Variants in METTL15 observed in about 807,000 individuals in gnomAD.
The protein encoded by METTL15 is 12S rRNA N(4)-cytidine methyltransferase METTL15.
In METTL15, 34 loss-of-function variants were observed where a neutral mutation model predicts 38.3. That is an observed-to-expected ratio of 0.89 (90% CI 0.68 to 1.18). METTL15 has a LOEUF of 1.18. Ranked by LOEUF, METTL15 falls within the 50% of genes most tolerant of loss-of-function variation. METTL15 has a pLI of 0.00. For missense variants in METTL15, 438 were observed against 498.4 expected, an observed-to-expected ratio of 0.88 and a Z score of 1.15; for synonymous variants, 162 against 170.9, an observed-to-expected ratio of 0.95 and a Z score of 0.41.
chr11:28,382,536 A>T (rs946293234), intron 5 of METTL15, among the ~76,000 whole-genome samples: 1 of 152,068 alleles, frequency 6.6e-6, no homozygotes, highest in African/African-American at 2.4e-5. Flanking sequence ...GGGTATTGTG[A>T]ATATGAAAGT....
At chr11:28,220,650 C>G (rs1590179190) in intron 4 of METTL15, among the ~76,000 whole-genome samples, 1 of 152,100 alleles carries the variant, frequency 6.6e-6, no homozygotes, top group South Asian at 2.1e-4. Flanking sequence ...AAGTTTCTTC[C>G]TAGCCTCGAT....
intron 3 of METTL15, among the ~76,000 whole-genome samples, chr11:28,122,495 A>G (rs1852294071): frequency 6.6e-6 from 1 of 151,316 alleles, no homozygotes; most frequent in Non-Finnish European, 1.5e-5. Context: ...AATGAAAATA[A>G]CATATTTTTT....
intron 6 of METTL15, among the ~76,000 whole-genome samples, chr11:28,324,893 G>C (rs549067455): frequency 1.3e-5 from 2 of 152,232 alleles, no homozygotes; most frequent in East Asian, 3.9e-4. Flanking sequence ...AGCTCTCATC[G>C]ACAGCTTTCT....
chr11:28,237,800 T>G (rs1854074639), intron 4 of METTL15, among the ~76,000 whole-genome samples: 1 of 152,172 alleles, frequency 6.6e-6, no homozygotes, highest in Non-Finnish European at 1.5e-5. Flanking sequence ...GTCCTTTCTG[T>G]TTGTTAGTTT....
At chr11:28,217,791 C>A (rs900457844) in intron 4 of METTL15, among the ~76,000 whole-genome samples, 2 of 152,130 alleles carry the variant, frequency 1.3e-5, no homozygotes, top group South Asian at 4.1e-4. Context: ...AGCCAGTTTT[C>A]CCAGCACCAT....
At chr11:28,207,343 C>T (rs1186893610) in intron 3 of METTL15, among the ~76,000 whole-genome samples, 2 of 151,934 alleles carry the variant, frequency 1.3e-5, no homozygotes, top group Non-Finnish European at 2.9e-5. Flanking sequence ...TGTCAAAGGC[C>T]TTTTCTGCAT....
chr11:28,146,656 C>G (rs1257018075), intron 3 of METTL15, among the ~76,000 whole-genome samples: 1 of 151,740 alleles, frequency 6.6e-6, no homozygotes, highest in Admixed American at 6.6e-5. Context: ...AATATCTTTT[C>G]TTTTTATCTT....
intron 5 of METTL15, among the ~76,000 whole-genome samples, chr11:28,401,090 A>C (rs1850626488): frequency 6.6e-6 from 1 of 152,024 alleles, no homozygotes; most frequent in Non-Finnish European, 1.5e-5. Flanking sequence ...TTCTTCCTAA[A>C]GTAAATGACA....
At chr11:28,231,086 A>T (rs1404862279) in intron 4 of METTL15, among the ~76,000 whole-genome samples, 1 of 151,874 alleles carries the variant, frequency 6.6e-6, no homozygotes, top group Non-Finnish European at 1.5e-5. Flanking sequence ...TAGCATTGTT[A>T]CTCATTTAAT....
intron 3 of METTL15, among the ~76,000 whole-genome samples, chr11:28,123,460 A>G (rs1332108946): frequency 2.0e-5 from 3 of 152,132 alleles, no homozygotes; most frequent in South Asian, 2.1e-4. Context: ...TTATTTTACA[A>G]TAAACCAAGT....
downstream of METTL15, among the ~76,000 whole-genome samples, chr11:28,529,597 A>C (rs1267515687): frequency 9.0e-6 from 1 of 110,936 alleles, no homozygotes; most frequent in African/African-American, 3.5e-5. Flanking sequence ...TTTGGTGTAC[A>C]TAGCAGGGGG....
At chr11:28,266,435 C>A (rs765499731) in intron 4 of METTL15, among the ~76,000 whole-genome samples, 2 of 152,166 alleles carry the variant, frequency 1.3e-5, no homozygotes, top group Non-Finnish European at 2.9e-5. Flanking sequence ...TGGAAACCGT[C>A]ATTCTCAGCA....
intron 3 of METTL15, among the ~76,000 whole-genome samples, chr11:28,173,854 G>C (rs995300121): frequency 1.3e-5 from 2 of 152,162 alleles, no homozygotes; most frequent in Non-Finnish European, 2.9e-5. Flanking sequence ...TCTCTATTGA[G>C]TTAGCTTGAT....
intron 6 of METTL15, among the ~76,000 whole-genome samples, chr11:28,506,195 C>T (rs1195633183): frequency 6.6e-6 from 1 of 152,212 alleles, no homozygotes; most frequent in Non-Finnish European, 1.5e-5. Flanking sequence ...GGGTCTCTCT[C>T]CCTGGGAGGC....
intron 3 of METTL15, among the ~76,000 whole-genome samples, chr11:28,209,549 C>G (rs1488746967): frequency 6.6e-6 from 1 of 152,072 alleles, no homozygotes; most frequent in Non-Finnish European, 1.5e-5. Flanking sequence ...AGTTAAGTCA[C>G]ACTACAACAT....
intron 6 of METTL15, among the ~76,000 whole-genome samples, chr11:28,492,385 C>T (rs1256293484): frequency 6.6e-6 from 1 of 152,072 alleles, no homozygotes; most frequent in African/African-American, 2.4e-5. Flanking sequence ...TTCTATCTGC[C>T]TGCTGTACCT....
At chr11:28,455,026 A>G (rs962873337) in intron 6 of METTL15, among the ~76,000 whole-genome samples, 3 of 152,126 alleles carry the variant, frequency 2.0e-5, no homozygotes, top group South Asian at 4.1e-4. Flanking sequence ...GTATTTGTTC[A>G]GGAAATAGTG....
At chr11:28,286,690 G>T (rs1026917517) in intron 4 of METTL15, among the ~76,000 whole-genome samples, 1 of 152,110 alleles carries the variant, frequency 6.6e-6, no homozygotes, top group Middle Eastern at 3.4e-3. Context: ...TGAGGACTGT[G>T]GTGTAAGACC....
In METTL15 at chr11:28,112,825, C is replaced by G. The variant is rs11827113; in HGVS notation, c.-17-493C>G. ...TGCGTAGTCTTTTCCCAGGGATAGT[C>G]TCTGAAGATGAGAATTTAGCATTGT... is the stretch of plus-strand genomic sequence containing the variant. On this transcript the variant is annotated intron_variant, in intron 2 of 6. Transcript: ENST00000407364. Among the ~76,000 whole-genome samples, 1,061 of 152,176 alleles carry G rather than the reference C, an allele frequency of 7.0e-3. 7 individuals are homozygous for G. Among genetic ancestry groups the G allele is most frequent in the African/African-American group, 0.023 (965 of 41,524 alleles).
Sources: gnomAD v4.1 joint callset for allele counts (sites outside exome capture counted in the v4.1 genomes callset) on GRCh38, gnomAD v4.1.1 for gene constraint, MANE v1.5 for transcripts, NCBI Gene and HGNC (gene_info 2026-07-23, HGNC 2026-07-21) for gene names.